DLG1: variants seen among roughly 807,000 people sequenced by gnomAD.
DLG1 encodes discs large MAGUK scaffold protein 1.
Under a neutral mutation model 123.4 loss-of-function variants are expected in DLG1, and 42 were observed. That is an observed-to-expected ratio of 0.34 (90% CI 0.27 to 0.44). The LOEUF (loss-of-function observed/expected upper bound fraction) is 0.44, where lower values mean the gene tolerates loss of function less well. Ranked by LOEUF, DLG1 falls within the 20% of genes least tolerant of loss-of-function variation. The pLI is 1.00. For synonymous variants in DLG1, 317 were observed against 356.2 expected (o/e 0.89, Z 1.24); for missense variants, 942 against 1,082.6 (o/e 0.87, Z 1.82).
intron 4 of DLG1, among the ~76,000 whole-genome samples, chr3:197,256,779 C>T (rs1488121754): frequency 6.6e-6 from 1 of 152,136 alleles, no homozygotes; most frequent in Non-Finnish European, 1.5e-5. Context: ...ACTAAAACCT[C>T]ACCATATAAA....
chr3:197,170,597 T>C (rs1450748814), intron 5 of DLG1, among the ~76,000 whole-genome samples: 2 of 152,222 alleles, frequency 1.3e-5, no homozygotes, highest in Non-Finnish European at 2.9e-5. Context: ...TGTTTTTCTC[T>C]TGTAAATTTC....
Position 197,255,774 on chromosome 3 carries a change from TAAAA to T in DLG1, c.318+26901_318+26904del, listed in dbSNP as rs35788077. On this transcript the variant is annotated intron_variant, in intron 4 of 24. Transcript: ENST00000667157. ...AAACCTAATCTATAGTGATATGAGT[TAAAA>T]AAAAAAAAAAGATTATCTCTGGGGA... Among the ~76,000 whole-genome samples the T allele has an allele frequency of 4.0e-5, 6 of 149,222 alleles. No homozygotes were observed. In the South Asian group the frequency reaches 1.1e-3, roughly 26 times the overall value.
intron 4 of DLG1, among the ~76,000 whole-genome samples, chr3:197,227,501 A>G (rs1056188716): frequency 6.6e-6 from 1 of 152,138 alleles, no homozygotes; most frequent in African/African-American, 2.4e-5. Flanking sequence ...AACAAAAAAC[A>G]AAAACAAGAA....
intron 14 of DLG1, among the ~76,000 whole-genome samples, chr3:197,099,222 T>C (rs982895442): frequency 6.6e-6 from 1 of 152,232 alleles, no homozygotes; most frequent in Non-Finnish European, 1.5e-5. Flanking sequence ...TGCATCACTA[T>C]GCCCAGCTCA....
chr3:197,173,908 A>C (rs1041923433), intron 5 of DLG1, among the ~76,000 whole-genome samples: 6 of 152,182 alleles, frequency 3.9e-5, no homozygotes, highest in African/African-American at 1.4e-4. Context: ...GTTCAAGACC[A>C]GCCTGGCCAA....
chr3:197,128,179 G>C (rs995985773), intron 11 of DLG1, among the ~76,000 whole-genome samples: 2 of 152,222 alleles, frequency 1.3e-5, no homozygotes, highest in African/African-American at 4.8e-5. Context: ...CAAAACTGAA[G>C]TGAATTCTCT....
chr3:197,215,706 A>C (rs1733806303), intron 4 of DLG1, among the ~76,000 whole-genome samples: 1 of 152,190 alleles, frequency 6.6e-6, no homozygotes, highest in South Asian at 2.1e-4. Flanking sequence ...AACATTACCC[A>C]GTGGTTCAAA....
intron 4 of DLG1, among the ~76,000 whole-genome samples, chr3:197,222,010 G>A (rs192692755): frequency 1.3e-5 from 2 of 152,296 alleles, no homozygotes; most frequent in Admixed American, 1.3e-4. Flanking sequence ...CAATGTTAAT[G>A]CTATGTAAAT....
At chr3:197,214,856 T>C (rs995161731) in intron 4 of DLG1, among the ~76,000 whole-genome samples, 1 of 152,152 alleles carries the variant, frequency 6.6e-6, no homozygotes, top group African/African-American at 2.4e-5. Context: ...AATGAAAAGA[T>C]GTTCATCCTC....
intron 4 of DLG1, among the ~76,000 whole-genome samples, chr3:197,222,332 G>A (rs760220808): frequency 6.6e-5 from 10 of 152,134 alleles, no homozygotes; most frequent in Non-Finnish European, 1.3e-4. Context: ...TTTCAATGAA[G>A]CAAAGCCCAA....
chr3:197,239,498 T>C (rs778709115), intron 4 of DLG1, among the ~76,000 whole-genome samples: 3 of 152,020 alleles, frequency 2.0e-5, no homozygotes, highest in Admixed American at 6.6e-5. Context: ...CGCTACCAAA[T>C]ACCAAGGCCA....
chr3:197,042,866 A>C lies in DLG1; in HGVS notation c.*1757T>G, dbSNP rs191989295. On this transcript the variant is annotated 3_prime_UTR_variant, in exon 25 of 25. Coordinates refer to ENST00000667157, the MANE Select transcript of DLG1 (RefSeq NM_001366207.1). ...GTTACATGATGCCTCAAATTGTTTC[A>C]AGAAAATGTTAGCTTGCAAAATATA... 4.8e-5 allele frequency: 7 copies of C among 147,248 alleles called. No individual in the cohort carries two copies. The Admixed American group carries it at 4.9e-4, about 10-fold the overall frequency. 9.1% of individuals were successfully genotyped at this position (147,248 alleles called of 1,614,324 possible).
intron 20 of DLG1, among the ~76,000 whole-genome samples, chr3:197,066,057 C>T (rs147911181): frequency 9.2e-5 from 14 of 152,184 alleles, no homozygotes; most frequent in African/African-American, 2.2e-4. Flanking sequence ...TTGGTGTTTT[C>T]GCAGATAATG....
chr3:197,237,502 T>C (rs1298628493), intron 4 of DLG1, among the ~76,000 whole-genome samples: 2 of 152,160 alleles, frequency 1.3e-5, no homozygotes, highest in Non-Finnish European at 2.9e-5. Context: ...CTATTCCAGC[T>C]AAACACCACA....
At chr3:197,079,120 C>CCT (rs773663842) in intron 17 of DLG1, among the ~76,000 whole-genome samples, 1 of 152,140 alleles carries the variant, frequency 6.6e-6, no homozygotes, top group Non-Finnish European at 1.5e-5. Flanking sequence ...AGACTTGCTA[C>CCT]CTCCAGTTTC....
intron 4 of DLG1, among the ~76,000 whole-genome samples, chr3:197,278,226 T>C (rs1366143694): frequency 7.9e-6 from 1 of 126,756 alleles, no homozygotes; most frequent in Non-Finnish European, 1.5e-5. Context: ...GAGGTTGCAG[T>C]GAGACGAGAT....
At chr3:197,174,015 G>A (rs2150056048) in intron 5 of DLG1, among the ~76,000 whole-genome samples, 1 of 152,240 alleles carries the variant, frequency 6.6e-6, no homozygotes, top group Middle Eastern at 3.4e-3. Context: ...CCCGGGAGGT[G>A]GAAATTGCAG....
intron 23 of DLG1, among the ~76,000 whole-genome samples, chr3:197,055,311 C>T (rs917037727): frequency 1.3e-5 from 2 of 152,144 alleles, no homozygotes; most frequent in African/African-American, 4.8e-5. Context: ...GTTTTACAGT[C>T]TTTATTAAGT....
chr3:197,184,129 G>A (rs1335780006), intron 5 of DLG1: 1 of 1,087,948 alleles, frequency 9.2e-7, no homozygotes, highest in African/African-American at 1.7e-5. Flanking sequence ...TTTGTTAGCT[G>A]ATAACTAGAT....
Sources: gnomAD v4.1 joint callset for allele counts (sites outside exome capture counted in the v4.1 genomes callset) on GRCh38, gnomAD v4.1.1 for gene constraint, MANE v1.5 for transcripts, NCBI Gene and HGNC (gene_info 2026-07-23, HGNC 2026-07-21) for gene names.